Variants in CRMP1 observed in about 807,000 individuals in gnomAD.
The protein encoded by CRMP1 is collapsin response mediator protein 1.
Under a neutral mutation model 68.3 loss-of-function variants are expected in CRMP1, and 19 were observed. The observed-to-expected ratio is 0.28, with a 90% CI of 0.19 to 0.41. The LOEUF is 0.41. CRMP1 is among the 10% of genes least tolerant of loss of function. The probability of loss-of-function intolerance (pLI) is 1.00; values close to 1 mark genes in which losing one functional copy is unlikely to be tolerated. For synonymous variants in CRMP1, 439 were observed against 399.6 expected, an observed-to-expected ratio of 1.10 and a Z score of -1.18; for missense variants, 791 against 967.4, an observed-to-expected ratio of 0.82 and a Z score of 2.42.
At chr4:5,837,774 C>T (rs1270466320) in intron 9 of CRMP1, among the ~76,000 whole-genome samples, 6 of 152,022 alleles carry the variant, frequency 3.9e-5, no homozygotes, top group African/African-American at 1.2e-4. Context: ...TCCAGAGGCC[C>T]AGGAAATGTT....
rs972518563 is a variant in CRMP1 at position 5,859,012 on chromosome 4, C to T, written c.655+2014G>A. On this transcript the variant is annotated intron_variant, in intron 3 of 13. Coordinates refer to ENST00000324989, the MANE Select transcript of CRMP1 (RefSeq NM_001014809.3). This position sits in a 1 kb window ranked among gnomAD's most constrained non-coding sequence, Gnocchi z 5.2. ...ATGTCACTTCTTCAGAGAACACTTC[C>T]CTGAGACCCTGCCCCTCAGTTCAAA... Among the ~76,000 whole-genome samples the T allele has an allele frequency of 6.6e-6, 1 of 152,210 alleles. No homozygotes were observed. The highest frequency in any genetic ancestry group is 1.9e-4 in the East Asian group (1 of 5,192).
Position 5,853,786 on chromosome 4 carries a change from A to G in CRMP1, c.821-2317T>C, listed in dbSNP as rs1219857802. 6.6e-6 allele frequency among the ~76,000 whole-genome samples: 1 copy of G among 152,254 alleles called. No individual in the cohort carries two copies. Among genetic ancestry groups the G allele is most frequent in the Non-Finnish European group, 1.5e-5 (1 of 68,048 alleles). On this transcript the variant is annotated intron_variant, in intron 4 of 13. Coordinates refer to ENST00000324989, the MANE Select transcript of CRMP1 (RefSeq NM_001014809.3). This position sits in a 1 kb window ranked among gnomAD's most constrained non-coding sequence, Gnocchi z 4.7. ...GGACATCGTGTCATTTGCAGCAACA[A>G]AGTTGAAGCTGTGGAACCCTATGTT... is the stretch of plus-strand genomic sequence containing the variant.
rs74284746 is a variant in CRMP1 at position 5,834,500 on chromosome 4, C to T, written c.1623+1415G>A. ...CAGCAAGAAGGCCTTTGCCAGATGC[C>T]GGCATTTTAATACTGAAATTCCCAG... On this transcript the variant is annotated intron_variant, in intron 11 of 13. Transcript: ENST00000324989. This position sits in a 1 kb window ranked among gnomAD's most constrained non-coding sequence, Gnocchi z 4.3. 8.5e-5 allele frequency among the ~76,000 whole-genome samples: 13 copies of T among 152,216 alleles called. No individual in the cohort carries two copies. The East Asian group carries it at 2.1e-3, about 25-fold the overall frequency.
rs1025554581 is a variant in CRMP1 at position 5,865,142 on chromosome 4, C to T, written c.470+1526G>A. 5.9e-5 allele frequency among the ~76,000 whole-genome samples: 9 copies of T among 152,090 alleles called. No homozygotes were observed. Among genetic ancestry groups the T allele is most frequent in the Admixed American group, 3.9e-4 (6 of 15,264 alleles). On this transcript the variant is annotated intron_variant, in intron 2 of 13. Transcript: ENST00000324989. The surrounding 1 kb of genome is among the most constrained non-coding windows in gnomAD (Gnocchi z 4.1). ...GGATGATCCTGTTAACAGTATCAAT[C>T]CCTTTCTGCCTTCCCCTTGCTCCAA...
In CRMP1 at chr4:5,836,017, G is replaced by A. The variant is rs751577654; in HGVS notation, c.1521C>T (p.Asn507=). ...VTSTNAAKIF[N]LYPRKGRIAV... is the part of the protein sequence containing the mutation. ...CAATCCGCCCTTTCCTTGGGTACAG[G>A]TTAAAGATCTTGGCTGCATTGGTGC... Residue 507 remains asparagine (N), a synonymous_variant, in exon 11 of 14, where the codon AAC becomes AAT. Coordinates refer to ENST00000324989, the MANE Select transcript of CRMP1 (RefSeq NM_001014809.3). The A allele has an allele frequency of 6.9e-6, 11 of 1,605,396 alleles. No homozygotes were observed. Among genetic ancestry groups the A allele is most frequent in the South Asian group, 3.4e-5 (3 of 89,490 alleles).
chr4:5,868,253 C>CTATATATA (rs1714130415), intron 1 of CRMP1, among the ~76,000 whole-genome samples: 1 of 83,158 alleles, frequency 1.2e-5, no homozygotes, highest in Non-Finnish European at 2.4e-5. Flanking sequence ...TTCTTCATGA[C>CTATATATA]TATATATCTA....
chr4:5,884,550 G>A (rs1451562866), intron 1 of CRMP1, among the ~76,000 whole-genome samples: 1 of 151,734 alleles, frequency 6.6e-6, no homozygotes. Flanking sequence ...CTGCTTGAAT[G>A]CAAGCTCTCC....
intron 1 of CRMP1, among the ~76,000 whole-genome samples, chr4:5,886,659 C>T (rs1362320175): frequency 6.6e-6 from 1 of 152,266 alleles, no homozygotes; most frequent in Non-Finnish European, 1.5e-5. Context: ...TGTGGGCACA[C>T]AGCCTCAAAC....
rs201976816 is a variant in CRMP1, at chr4:5,842,592, ACT to A, written c.1032+499_1032+500del. Among the ~76,000 whole-genome samples, 7 of 108,946 alleles carry A rather than the reference ACT, an allele frequency of 6.4e-5. No homozygotes were observed. The East Asian group carries it at 1.9e-3, about 30-fold the overall frequency. The allele number at this position is 108,946 out of a possible 152,430, so 71.5% of individuals were successfully genotyped here. On this transcript the variant is annotated intron_variant, in intron 7 of 13. Coordinates refer to ENST00000324989, the MANE Select transcript of CRMP1 (RefSeq NM_001014809.3). This position sits in a 1 kb window ranked among gnomAD's most constrained non-coding sequence, Gnocchi z 4.5. ...CATGCACATGCACCCACACTCACACACTCTCTCACACACACACACACACACTC... is the reference window on the plus strand; with the variant it reads ...CATGCACATGCACCCACACTCACACACTCTCACACACACACACACACACTC...
chr4:5,830,049 C>T (rs1292462065), intron 11 of CRMP1, among the ~76,000 whole-genome samples: 1 of 152,188 alleles, frequency 6.6e-6, no homozygotes, highest in East Asian at 1.9e-4. Context: ...CAGTTGCTGG[C>T]ACAGGTGAAA....
rs1035528869 is a variant in CRMP1, at chr4:5,889,813, T to C, written c.381+2776A>G. The C allele has an allele frequency of 2.9e-5, 44 of 1,506,794 alleles. No homozygotes were observed. The African/African-American group carries it at 5.7e-4, about 19-fold the overall frequency. The allele number at this position is 1,506,794 out of a possible 1,614,324, so 93.3% of individuals were successfully genotyped here. On this transcript the variant is annotated intron_variant, in intron 1 of 13. Coordinates refer to ENST00000324989, the MANE Select transcript of CRMP1 (RefSeq NM_001014809.3). The surrounding 1 kb of genome is among the most constrained non-coding windows in gnomAD (Gnocchi z 4.5). ...TTCACCACCCCAGGGGCCAGTCCCC[T>C]AATCCAGGGCAGGAGGCCAGAGACA...
chr4:5,833,841 G>A (rs1414641444), intron 11 of CRMP1, among the ~76,000 whole-genome samples: 2 of 152,210 alleles, frequency 1.3e-5, no homozygotes, highest in East Asian at 2.0e-4. Flanking sequence ...TCAGGAGATC[G>A]AGACCATCCT....
intron 1 of CRMP1, chr4:5,887,280 T>C (rs1715656589): frequency 4.4e-6 from 4 of 902,138 alleles, no homozygotes; most frequent in Non-Finnish European, 5.3e-6. Context: ...GCCTGAATTT[T>C]GCATAAATGA....
chr4:5,849,957 A>T (rs896236503), intron 5 of CRMP1, among the ~76,000 whole-genome samples: 5 of 152,212 alleles, frequency 3.3e-5, no homozygotes, highest in African/African-American at 1.2e-4. Flanking sequence ...TTTATGGACA[A>T]TGGTGGGGTG....
At chr4:5,868,255 A>ATATATC (rs1209430394) in intron 1 of CRMP1, among the ~76,000 whole-genome samples, 249 of 80,636 alleles carry the variant, frequency 3.1e-3, no homozygotes, top group African/African-American at 7.8e-3. Flanking sequence ...CTTCATGACT[A>ATATATC]TATATCTATA....
intron 11 of CRMP1, among the ~76,000 whole-genome samples, chr4:5,832,393 G>T (rs2152456868): frequency 6.6e-6 from 1 of 152,340 alleles, no homozygotes; most frequent in East Asian, 1.9e-4. Context: ...TACCCATGAT[G>T]TGGCACTTTG....
At chr4:5,835,294 G>A (rs1052840645) in intron 11 of CRMP1, among the ~76,000 whole-genome samples, 3 of 152,202 alleles carry the variant, frequency 2.0e-5, no homozygotes, top group Admixed American at 6.5e-5. Context: ...CATGCAGGAG[G>A]GTGTTAAAGC....
chr4:5,851,954 AAGAAGGAGGAAGAGGAAGAGG>A (rs1189342646), intron 4 of CRMP1, among the ~76,000 whole-genome samples: 1 of 116,628 alleles, frequency 8.6e-6, no homozygotes, highest in African/African-American at 3.4e-5. Context: ...AGAAAGGGAG[AAGAAGGAGGAAGAGGAAGAGG>A]AGGAGGAAGA....
At chr4:5,856,854 C>T (rs1184941328) in intron 3 of CRMP1, among the ~76,000 whole-genome samples, 1 of 102,840 alleles carries the variant, frequency 9.7e-6, no homozygotes, top group African/African-American at 3.1e-5. Context: ...CTATCATTGT[C>T]ACCCCACCAT....
Sources: gnomAD v4.1 joint callset for allele counts (sites outside exome capture counted in the v4.1 genomes callset) on GRCh38, gnomAD v4.1.1 for gene constraint, Gnocchi (gnomAD v3.1) non-coding constraint, MANE v1.5 for transcripts, NCBI Gene and HGNC (gene_info 2026-07-23, HGNC 2026-07-21) for gene names.